The following TSNARE1 variants were observed in gnomAD, a reference collection of about 807,000 sequenced individuals.
TSNARE1 encodes the protein t-SNARE domain containing 1.
TSNARE1 carries 49 observed loss-of-function variants against 62.0 expected under a neutral mutation model. The ratio of observed to expected loss-of-function variants is 0.79; its 90% CI spans 0.63 to 1.00. The LOEUF is 1.00. Among genes scored for constraint, TSNARE1 ranks in the 50% least tolerant of loss-of-function variants. TSNARE1 has a pLI of 0.00. For synonymous variants in TSNARE1, 328 were observed against 294.4 expected, an observed-to-expected ratio of 1.11 and a Z score of -1.17; for missense variants, 755 against 700.1, an observed-to-expected ratio of 1.08 and a Z score of -0.88.
At chr8:142,372,490 T>C in intron 1 of TSNARE1, among the ~76,000 whole-genome samples, 1 of 152,044 alleles carries the variant, frequency 6.6e-6, no homozygotes, top group South Asian at 2.1e-4. Flanking sequence ...TTTGGAAGGA[T>C]GAGAAGAGAA....
intron 12 of TSNARE1, among the ~76,000 whole-genome samples, chr8:142,232,632 G>T (rs1817178671): frequency 6.6e-6 from 1 of 152,194 alleles, no homozygotes; most frequent in African/African-American, 2.4e-5. Flanking sequence ...GGGACACTCT[G>T]CAGCTCCAGC....
chr8:142,256,980 G>A (rs905268093), intron 12 of TSNARE1, among the ~76,000 whole-genome samples: 15 of 152,282 alleles, frequency 9.9e-5, no homozygotes, highest in Non-Finnish European at 1.2e-4. Flanking sequence ...TCATTTGCAT[G>A]CCATTTGCAT....
chr8:142,312,429 T>C (rs1280594273), intron 9 of TSNARE1, among the ~76,000 whole-genome samples: 1 of 152,204 alleles, frequency 6.6e-6, no homozygotes, highest in Non-Finnish European at 1.5e-5. Flanking sequence ...CCTCTGTCTT[T>C]GGAGAGACAA....
chr8:142,284,726 G>C (rs1332485776), intron 10 of TSNARE1, among the ~76,000 whole-genome samples: 1 of 152,210 alleles, frequency 6.6e-6, no homozygotes, highest in Non-Finnish European at 1.5e-5. Context: ...GCAGGGATCT[G>C]AGTGCTCCAT....
At chr8:142,300,805 C>A (rs1163826539) in intron 9 of TSNARE1, among the ~76,000 whole-genome samples, 161 bp from the exon 10 acceptor site, 1 of 142,616 alleles carries the variant, frequency 7.0e-6, no homozygotes, top group African/African-American at 2.4e-5. Context: ...CGGCCACGAG[C>A]CTGTCACTGG....
intron 1 of TSNARE1, among the ~76,000 whole-genome samples, chr8:142,383,253 A>G (rs1369105556): frequency 6.6e-6 from 1 of 152,216 alleles, no homozygotes; most frequent in Non-Finnish European, 1.5e-5. Flanking sequence ...GGTCAGCAGC[A>G]GCTGAGAGAG....
chr8:142,332,031 A>G (rs1388357291), intron 4 of TSNARE1, among the ~76,000 whole-genome samples, 200 bp from the exon 5 acceptor site: 1 of 152,178 alleles, frequency 6.6e-6, no homozygotes, highest in African/African-American at 2.4e-5. Context: ...CAGTACCTTC[A>G]AGCTGGAAGG....
intron 1 of TSNARE1, among the ~76,000 whole-genome samples, chr8:142,362,063 C>G (rs1835206879): frequency 6.6e-6 from 1 of 152,250 alleles, no homozygotes; most frequent in Non-Finnish European, 1.5e-5. Flanking sequence ...AGGGCAGCTG[C>G]CCACCAGGAG....
At chr8:142,289,560 C>T (rs543009881) in intron 10 of TSNARE1, among the ~76,000 whole-genome samples, 6 of 152,284 alleles carry the variant, frequency 3.9e-5, no homozygotes, top group Non-Finnish European at 7.3e-5. Context: ...CTGCAGGCTA[C>T]GAACACACCA....
intron 10 of TSNARE1, among the ~76,000 whole-genome samples, chr8:142,292,151 C>T (rs1244945784): frequency 1.3e-5 from 2 of 152,140 alleles, no homozygotes; most frequent in Admixed American, 1.3e-4. Flanking sequence ...TCCCAGCCTA[C>T]ATCCCAGCCA....
At chr8:142,367,092 A>G (rs187123519) in intron 1 of TSNARE1, among the ~76,000 whole-genome samples, 47 of 152,372 alleles carry the variant, frequency 3.1e-4, no homozygotes, top group Admixed American at 2.2e-3. Context: ...AGGGGACTTT[A>G]AAGTATTTTA....
rs573471081 is a variant in TSNARE1, at chr8:142,360,692, G to A, written c.-39-5929C>T. ...GCCCAGATCCTGTTTGCAGGGCGCC[G>A]GGGGAAGCGGCGGTGCCAGGGAACA... On this transcript the variant is annotated intron_variant, in intron 1 of 13. Transcript: ENST00000524325. Among the ~76,000 whole-genome samples, 479 of 152,260 alleles carry A rather than the reference G, an allele frequency of 3.1e-3. 3 individuals are homozygous for A. The highest frequency in any genetic ancestry group is 0.011 in the African/African-American group (464 of 41,556).
intron 9 of TSNARE1, among the ~76,000 whole-genome samples, chr8:142,312,435 G>A (rs1488259927): frequency 2.0e-5 from 3 of 152,190 alleles, no homozygotes; most frequent in Non-Finnish European, 1.5e-5. Context: ...TCTTTGGAGA[G>A]ACAACATAGA....
chr8:142,374,235 G>A (rs1403559699), intron 1 of TSNARE1, among the ~76,000 whole-genome samples: 1 of 151,956 alleles, frequency 6.6e-6, no homozygotes, highest in Non-Finnish European at 1.5e-5. Flanking sequence ...ACCCAGGGAG[G>A]CGGAGGTTGC....
chr8:142,342,465 G>A (rs1014671606), intron 4 of TSNARE1, among the ~76,000 whole-genome samples: 3 of 152,170 alleles, frequency 2.0e-5, no homozygotes, highest in African/African-American at 7.2e-5. Context: ...GGGGAACCTT[G>A]GCCCACTGCA....
chr8:142,371,317 C>A (rs1487210299), intron 1 of TSNARE1, among the ~76,000 whole-genome samples: 1 of 152,066 alleles, frequency 6.6e-6, no homozygotes, highest in African/African-American at 2.4e-5. Flanking sequence ...GGAAAAAAAA[C>A]CCTGCAGGAA....
chr8:142,287,358 G>A (rs1182702555), intron 10 of TSNARE1, among the ~76,000 whole-genome samples: 2 of 119,578 alleles, frequency 1.7e-5, no homozygotes, highest in Admixed American at 8.2e-5. Flanking sequence ...CCAGGACCTC[G>A]GCCAGATCTC....
chr8:142,356,628 G>A (rs933399642), intron 1 of TSNARE1, among the ~76,000 whole-genome samples: 5 of 152,202 alleles, frequency 3.3e-5, no homozygotes, highest in African/African-American at 7.2e-5. Flanking sequence ...ACTTTAACAC[G>A]TAACAGCATA....
chr8:142,271,782 A>T, intron 12 of TSNARE1: 3 of 876,682 alleles, frequency 3.4e-6, no homozygotes, highest in Non-Finnish European at 4.6e-6. Flanking sequence ...TGCCCATGTG[A>T]GGCCTCTGCA....
Sources: gnomAD v4.1 joint callset for allele counts (sites outside exome capture counted in the v4.1 genomes callset) on GRCh38, gnomAD v4.1.1 for gene constraint, MANE v1.5 for transcripts, NCBI Gene and HGNC (gene_info 2026-07-23, HGNC 2026-07-21) for gene names.